FREM1: variants seen among roughly 807,000 people sequenced by gnomAD.
FREM1 encodes the protein FRAS1-related extracellular matrix protein 1.
In FREM1, 220 loss-of-function variants were observed where a neutral mutation model predicts 210.1. The observed-to-expected ratio is 1.05, with a 90% CI of 0.94 to 1.17. The LOEUF is 1.17. Among genes scored for constraint, FREM1 ranks in the 50% most tolerant of loss-of-function variants. The pLI is 0.00. For synonymous variants in FREM1, 1,189 were observed against 980.2 expected, an observed-to-expected ratio of 1.21 and a Z score of -3.98; for missense variants, 3,454 against 2,675.5, an observed-to-expected ratio of 1.29 and a Z score of -6.42.
chr9:14,801,781 G>C lies in FREM1; in HGVS notation c.3565C>G (p.Gln1189Glu), dbSNP rs926417744. ...PQDALLFSIT[Q>E]KPRHGLLIDR... is the part of the protein sequence containing the mutation. The stretch of plus-strand genomic sequence containing the variant: ...ATGAGGAGGCCATGGCGTGGCTTTT[G>C]AGTGATGCTGAACAGCAGGGCATCC... Residue 1189 changes from glutamine (Q) to glutamate (E), a missense_variant, in exon 20 of 37, where the codon CAA becomes GAA. Gln to Glu is a conservative substitution (Grantham distance 29). Transcript: ENST00000380880. The C allele has an allele frequency of 5.0e-6, 8 of 1,613,828 alleles. No homozygotes were observed. Among genetic ancestry groups the C allele is most frequent in the African/African-American group, 2.7e-5 (2 of 74,908 alleles).
Position 14,868,995 on chromosome 9 carries a change from C to A in FREM1, c.-18G>T. ...GAGTTCATGCTGACAGGGCCCAACT[C>A]TTCTCTGTCCACCGGCGAAATCCCT... On this transcript the variant is annotated 5_prime_UTR_variant, in exon 2 of 37. Transcript: ENST00000380880. The A allele has an allele frequency of 6.6e-7, 1 of 1,508,184 alleles. No individual in the cohort carries two copies. Among genetic ancestry groups the A allele is most frequent in the South Asian group, 1.2e-5 (1 of 82,892 alleles). The allele number at this position is 1,508,184 out of a possible 1,614,324, so 93.4% of individuals were successfully genotyped here. A position where few individuals can be genotyped will look rare whatever the true frequency, so the allele number is the denominator to read the frequency against.
At chr9:14,881,294 C>G (rs150846050) in intron 1 of FREM1, among the ~76,000 whole-genome samples, 87 of 152,300 alleles carry the variant, frequency 5.7e-4, no homozygotes, top group African/African-American at 2.0e-3. Context: ...CAGCCTGTCT[C>G]TAGACCAGCC....
intron 1 of FREM1, among the ~76,000 whole-genome samples, chr9:14,908,447 A>G (rs1402850114): frequency 6.6e-6 from 1 of 152,206 alleles, no homozygotes; most frequent in Non-Finnish European, 1.5e-5. Context: ...AGATCAGGCC[A>G]TATAGCCCAA....
intron 29 of FREM1, among the ~76,000 whole-genome samples, chr9:14,753,493 T>C (rs559008255): frequency 6.6e-6 from 1 of 152,310 alleles, no homozygotes; most frequent in East Asian, 1.9e-4. Context: ...TAGTTAGGGT[T>C]TGCTTTTGTT....
intron 35 of FREM1, among the ~76,000 whole-genome samples, chr9:14,740,833 A>G (rs996104811): frequency 1.6e-4 from 24 of 152,278 alleles, no homozygotes; most frequent in African/African-American, 5.8e-4. Context: ...TTTTTCACAA[A>G]ACAGAATTTT....
chr9:14,884,841 T>C (rs1835475722), intron 1 of FREM1, among the ~76,000 whole-genome samples: 1 of 148,498 alleles, frequency 6.7e-6, no homozygotes, highest in Non-Finnish European at 1.5e-5. Flanking sequence ...CAATGGTAGC[T>C]ACCCAACACA....
intron 1 of FREM1, among the ~76,000 whole-genome samples, chr9:14,895,517 A>T (rs941839764): frequency 6.6e-6 from 1 of 152,126 alleles, no homozygotes; most frequent in Non-Finnish European, 1.5e-5. Context: ...CTGGGCACAT[A>T]TTGGAATCAG....
Position 14,746,436 on chromosome 9 carries a change from C to T in FREM1, c.6171G>A (p.Trp2057Ter). 2 of 1,613,620 alleles carry T rather than the reference C, an allele frequency of 1.2e-6. No individual in the cohort carries two copies. Among genetic ancestry groups the T allele is most frequent in the Non-Finnish European group, 1.7e-6 (2 of 1,179,658 alleles). The change falls in exon 35 of 37, where the codon TGG (tryptophan) becomes TGA (stop). Residue 2057 changes from tryptophan to a stop codon, truncating the protein, a stop_gained. Coordinates refer to ENST00000380880, the MANE Select transcript of FREM1 (RefSeq NM_001379081.2). LOFTEE classifies it high-confidence loss of function. The part of the protein sequence containing the change: ...DVEDKSCPAG[W>*]HQHSGYCHIL... ...TGTGACAGTAGCCTGAGTGCTGGTG[C>T]CACCCGGCTGGACAGGATTTGTCTT...
At chr9:14,814,001 C>T (rs1819862918) in intron 15 of FREM1, among the ~76,000 whole-genome samples, 1 of 152,126 alleles carries the variant, frequency 6.6e-6, no homozygotes, top group African/African-American at 2.4e-5. Flanking sequence ...GTGCCTTTGC[C>T]ACTCCACTCC....
At position 14,896,311 on chromosome 9, in the gene FREM1, C is replaced by T. The variant is rs567631867; in HGVS notation, c.-268+13603G>A. On this transcript the variant is annotated intron_variant, in intron 1 of 36. Transcript: ENST00000380880. ...CTGTAATCCCAACACTTTGGGAGGC[C>T]GAGGTGGGCAGATCACGAGGTCAGG... 4.6e-5 allele frequency among the ~76,000 whole-genome samples: 7 copies of T among 152,004 alleles called. No homozygotes were observed. In the South Asian group the frequency reaches 6.2e-4, roughly 14 times the overall value.
chr9:14,769,582 A>G (rs1847143648), intron 27 of FREM1, 142 bp downstream of exon 27: 1 of 901,106 alleles, frequency 1.1e-6, no homozygotes, highest in Non-Finnish European at 1.6e-6. Flanking sequence ...TTCATTCTCC[A>G]AAATAAATTC....
chr9:14,839,808 T>C (rs113266343), intron 10 of FREM1, among the ~76,000 whole-genome samples: 8,952 of 152,288 alleles, frequency 0.059, 294 homozygotes, highest in Non-Finnish European at 0.068. Context: ...GGTATCCTAG[T>C]CAGAAACATA....
intron 1 of FREM1, among the ~76,000 whole-genome samples, chr9:14,885,906 G>A (rs942316435): frequency 5.3e-5 from 8 of 152,124 alleles, no homozygotes; most frequent in Non-Finnish European, 1.2e-4. Context: ...ATACAATGCT[G>A]TTAACTATAG....
At position 14,756,457 on chromosome 9, in the gene FREM1, A is replaced by G. The variant is rs773504558; in HGVS notation, c.5335-11T>C. On this transcript the variant is annotated splice_polypyrimidine_tract_variant and intron_variant, in intron 28 of 36. Coordinates refer to ENST00000380880, the MANE Select transcript of FREM1 (RefSeq NM_001379081.2). ...TGACACTTGGTTGACCTTAGGAGGG[A>G]AAAAAAAATCTTTTTAAGATAAAAA... The G allele has an allele frequency of 7.8e-6, 12 of 1,534,012 alleles. No individual in the cohort carries two copies. Among genetic ancestry groups the G allele is most frequent in the South Asian group, 2.4e-5 (2 of 82,146 alleles).
At chr9:14,739,639 T>C (rs1206804482) in intron 36 of FREM1, among the ~76,000 whole-genome samples, 3 of 150,664 alleles carry the variant, frequency 2.0e-5, no homozygotes, top group African/African-American at 4.9e-5. Flanking sequence ...TTTATATGGA[T>C]GTGGACCCTG....
intron 29 of FREM1, 111 bp downstream of exon 29, chr9:14,756,263 C>A: frequency 1.3e-6 from 1 of 764,104 alleles, no homozygotes; most frequent in Non-Finnish European, 2.1e-6. Flanking sequence ...TGAGGAGTTT[C>A]TAGTTGGCTA....
intron 13 of FREM1, among the ~76,000 whole-genome samples, chr9:14,820,989 T>A (rs1432226825): frequency 2.0e-5 from 3 of 152,214 alleles, no homozygotes; most frequent in Non-Finnish European, 4.4e-5. Context: ...GGTGATTTTT[T>A]AAATATATAT....
intron 6 of FREM1, 21 bp downstream of exon 6, chr9:14,851,263 A>G: frequency 6.5e-7 from 1 of 1,535,876 alleles, no homozygotes; most frequent in Non-Finnish European, 8.8e-7. Flanking sequence ...CTAGGCTGGA[A>G]GCTTTGTCTC....
At chr9:14,826,549 A>C (rs538781711) in intron 10 of FREM1, among the ~76,000 whole-genome samples, 1 of 152,108 alleles carries the variant, frequency 6.6e-6, no homozygotes, top group East Asian at 1.9e-4. Context: ...CTCTTCTTAG[A>C]CCTTTCTCCA....
Sources: gnomAD v4.1 joint callset for allele counts (sites outside exome capture counted in the v4.1 genomes callset) on GRCh38, gnomAD v4.1.1 for gene constraint, MANE v1.5 for transcripts, NCBI Gene and HGNC (gene_info 2026-07-23, HGNC 2026-07-21) for gene names.